The following CNBP variants were observed in gnomAD, a reference collection of about 807,000 sequenced individuals.
CNBP encodes CCHC-type zinc finger nucleic acid binding protein.
CNBP carries 6 observed loss-of-function variants against 21.2 expected under a neutral mutation model. That is an observed-to-expected ratio of 0.28 (90% confidence interval 0.16 to 0.56). The LOEUF is 0.56. Among genes scored for constraint, CNBP ranks in the 20% least tolerant of loss-of-function variants. CNBP has a pLI of 0.93. For synonymous variants in CNBP, 61 were observed against 74.9 expected, an observed-to-expected ratio of 0.81 and a Z score of 0.96; for missense variants, 112 against 233.1, an observed-to-expected ratio of 0.48 and a Z score of 3.38.
intron 1 of CNBP, among the ~76,000 whole-genome samples, chr3:129,174,606 T>G (rs180745381): frequency 6.7e-6 from 1 of 148,240 alleles, no homozygotes; most frequent in Non-Finnish European, 1.5e-5. Flanking sequence ...TGGAGGTTGT[T>G]GCAAGCCAAG....
intron 1 of CNBP, among the ~76,000 whole-genome samples, chr3:129,182,456 C>A (rs1205818400): frequency 6.6e-6 from 1 of 152,058 alleles, no homozygotes; most frequent in Non-Finnish European, 1.5e-5. Context: ...GTGGCTGAGG[C>A]CATATGGTTA....
chr3:129,183,473 C>G (rs576747898), intron 1 of CNBP, among the ~76,000 whole-genome samples: 8 of 152,392 alleles, frequency 5.2e-5, no homozygotes, highest in Non-Finnish European at 8.8e-5. Flanking sequence ...CAAGGGCGCA[C>G]GGGCGGGCCT....
intron 1 of CNBP, among the ~76,000 whole-genome samples, chr3:129,181,238 T>G (rs1472858307): frequency 8.2e-5 from 1 of 12,258 alleles, no homozygotes; most frequent in Non-Finnish European, 1.3e-4. Flanking sequence ...AGACTCTGTC[T>G]CAAAAAAAAA....
rs577411965 is a variant in CNBP at position 129,170,127 on chromosome 3, T to C, written c.*326A>G. 10 of 309,068 alleles carry C rather than the reference T, an allele frequency of 3.2e-5. No individual in the cohort carries two copies. Among genetic ancestry groups the C allele is most frequent in the Non-Finnish European group, 5.5e-5 (9 of 163,122 alleles). 19.1% of individuals were successfully genotyped at this position (309,068 alleles called of 1,614,324 possible). ...TCCAGAATTGGTTTTACCTCCTACA[T>C]GGGAACATGTTCAAGGAACCCAGGA... On this transcript the variant is annotated 3_prime_UTR_variant, in exon 5 of 5. Transcript: ENST00000422453.
intron 4 of CNBP, among the ~76,000 whole-genome samples, 161 bp downstream of exon 4, chr3:129,170,918 T>C (rs1937556009): frequency 6.6e-6 from 1 of 151,808 alleles, no homozygotes; most frequent in Non-Finnish European, 1.5e-5. Flanking sequence ...GAATACAGAA[T>C]TATATACAGA....
chr3:129,168,629 A>AG lies in CNBP; in HGVS notation c.*1823dup. On this transcript the variant is annotated 3_prime_UTR_variant, in exon 5 of 5. Transcript: ENST00000422453. ...TCAAAAAAAAAAAAAAAAAAAAAAA[A>AG]GGCCCAGGAAAAACACAAAAATAGC... Among the ~76,000 whole-genome samples the AG allele has an allele frequency of 7.8e-6, 1 of 127,692 alleles. No homozygotes were observed. The highest frequency in any genetic ancestry group is 2.9e-5 in the African/African-American group (1 of 35,010). The allele number at this position is 127,692 out of a possible 152,430, so 83.8% of individuals were successfully genotyped here.
intron 1 of CNBP, among the ~76,000 whole-genome samples, chr3:129,183,321 T>C (rs1938445320): frequency 6.6e-6 from 1 of 152,102 alleles, no homozygotes; most frequent in African/African-American, 2.4e-5. Context: ...GCACATGGCC[T>C]GCACGACTAT....
At chr3:129,170,942 A>T in intron 4 of CNBP, 137 bp downstream of exon 4, 1 of 783,252 alleles carries the variant, frequency 1.3e-6, no homozygotes, top group Non-Finnish European at 2.0e-6. Flanking sequence ...ACTGCCAGTT[A>T]CATATGCTGA....
At chr3:129,172,415 C>G (rs1302304827) in intron 1 of CNBP, among the ~76,000 whole-genome samples, 2 of 151,766 alleles carry the variant, frequency 1.3e-5, no homozygotes, top group Admixed American at 1.3e-4. Flanking sequence ...AACCCCGTCT[C>G]TACTAAAAAT....
At chr3:129,173,404 G>A (rs1937672363) in intron 1 of CNBP, among the ~76,000 whole-genome samples, 1 of 152,122 alleles carries the variant, frequency 6.6e-6, no homozygotes, top group Non-Finnish European at 1.5e-5. Context: ...AAAAATAGTA[G>A]GAAAACGACC....
At chr3:129,172,653 C>T (rs1252246110) in intron 1 of CNBP, among the ~76,000 whole-genome samples, 1 of 86,418 alleles carries the variant, frequency 1.2e-5, no homozygotes, top group Non-Finnish European at 2.5e-5. Flanking sequence ...GGCAGGCAGG[C>T]AGGCAGACAG....
At chr3:129,176,041 A>G (rs1937883156) in intron 1 of CNBP, among the ~76,000 whole-genome samples, 1 of 152,152 alleles carries the variant, frequency 6.6e-6, no homozygotes, top group Non-Finnish European at 1.5e-5. Context: ...TTTTAGACTC[A>G]CACTACTTAT....
At chr3:129,171,594 A>C in intron 2 of CNBP, 40 bp downstream of exon 2, 1 of 1,614,144 alleles carries the variant, frequency 6.2e-7, no homozygotes, top group Admixed American at 1.7e-5. Flanking sequence ...GATACTAACA[A>C]ATACTGAAGT....
chr3:129,179,096 G>A (rs1386840737), intron 1 of CNBP, among the ~76,000 whole-genome samples: 1 of 151,944 alleles, frequency 6.6e-6, no homozygotes, highest in African/African-American at 2.4e-5. Context: ...TGACCAACAT[G>A]GAGAAATCCC....
At chr3:129,177,858 GA>G (rs1938020361) in intron 1 of CNBP, among the ~76,000 whole-genome samples, 1 of 152,138 alleles carries the variant, frequency 6.6e-6, no homozygotes, top group Admixed American at 6.5e-5. Flanking sequence ...AAATGACTAA[GA>G]TAGTCAAGAT....
chr3:129,180,109 G>A (rs549380708), intron 1 of CNBP, among the ~76,000 whole-genome samples: 6 of 151,304 alleles, frequency 4.0e-5, no homozygotes, highest in East Asian at 1.9e-4. Flanking sequence ...TTAAGGTAGG[G>A]AATTATACCA....
At chr3:129,183,244 G>A (rs549122916) in intron 1 of CNBP, among the ~76,000 whole-genome samples, 9 of 152,274 alleles carry the variant, frequency 5.9e-5, no homozygotes, top group African/African-American at 1.9e-4. Context: ...CACCGCGCCC[G>A]GCCTAAGAAC....
At chr3:129,172,934 C>T (rs1937647690) in intron 1 of CNBP, among the ~76,000 whole-genome samples, 1 of 152,142 alleles carries the variant, frequency 6.6e-6, no homozygotes, top group South Asian at 2.1e-4. Flanking sequence ...CTCTCTTAAC[C>T]TTAGCACCTG....
At chr3:129,174,349 T>TTAA (rs777281468) in intron 1 of CNBP, among the ~76,000 whole-genome samples, 12 of 63,158 alleles carry the variant, frequency 1.9e-4, no homozygotes, top group East Asian at 1.1e-3. Context: ...GAGTCAGAAT[T>TTAA]AAAAAAAAAA....
Sources: allele counts gnomAD v4.1 joint callset (sites outside exome capture counted in the v4.1 genomes callset), GRCh38; gene constraint gnomAD v4.1.1; transcripts MANE v1.5; gene names NCBI Gene and HGNC (gene_info 2026-07-23, HGNC 2026-07-21).